Variants in TNRC6C observed in about 807,000 individuals in gnomAD.
TNRC6C encodes the protein trinucleotide repeat-containing gene 6C protein.
In TNRC6C, 20 loss-of-function variants were observed where a neutral mutation model predicts 153.7. The ratio of observed to expected loss-of-function variants is 0.13; its 90% confidence interval spans 0.09 to 0.19. The LOEUF is 0.19. TNRC6C is among the 10% of genes least tolerant of loss of function. The pLI, the probability that TNRC6C is intolerant of heterozygous loss-of-function variation, is 1.00. For missense variants in TNRC6C, 1,987 were observed against 2,172.0 expected, an observed-to-expected ratio of 0.91 and a Z score of 1.69; for synonymous variants, 811 against 841.4, an observed-to-expected ratio of 0.96 and a Z score of 0.63.
chr17:78,016,061 C>T (rs1026771339), intron 1 of TNRC6C, among the ~76,000 whole-genome samples: 2 of 152,144 alleles, frequency 1.3e-5, no homozygotes, highest in Non-Finnish European at 2.9e-5. Flanking sequence ...ACTGAAAGGG[C>T]TGAAGGGGGT....
intron 1 of TNRC6C, among the ~76,000 whole-genome samples, chr17:77,986,249 C>T (rs979299582): frequency 6.6e-6 from 1 of 152,036 alleles, no homozygotes; most frequent in African/African-American, 2.4e-5. Flanking sequence ...AACCTCGTCT[C>T]TATTAAAAAT....
chr17:78,102,269 C>T (rs993311468), intron 17 of TNRC6C, among the ~76,000 whole-genome samples: 5 of 152,092 alleles, frequency 3.3e-5, no homozygotes, highest in Non-Finnish European at 5.9e-5. Flanking sequence ...AGAGTCACCA[C>T]GGGGAAGTGG....
intron 1 of TNRC6C, among the ~76,000 whole-genome samples, chr17:77,967,963 T>C (rs1211652810): frequency 6.6e-6 from 1 of 152,232 alleles, no homozygotes; most frequent in Non-Finnish European, 1.5e-5. Flanking sequence ...TTATGTTTAC[T>C]CATAATTTCA....
intron 2 of TNRC6C, among the ~76,000 whole-genome samples, chr17:78,043,389 T>C (rs1310839608): frequency 6.6e-6 from 1 of 152,256 alleles, no homozygotes. Context: ...AAAATAGCAT[T>C]GTTCCAAATT....
chr17:77,969,435 A>G (rs371407177), intron 1 of TNRC6C, among the ~76,000 whole-genome samples: 7 of 152,086 alleles, frequency 4.6e-5, no homozygotes, highest in African/African-American at 1.2e-4. Context: ...TTTTTAGTAG[A>G]GACGGGGTTT....
At chr17:78,081,801 A>G (rs1013355870) in intron 10 of TNRC6C, among the ~76,000 whole-genome samples, 1 of 152,172 alleles carries the variant, frequency 6.6e-6, no homozygotes, top group Non-Finnish European at 1.5e-5. Context: ...GCAAACCAGC[A>G]TGTCCCAAAT....
intron 1 of TNRC6C, among the ~76,000 whole-genome samples, chr17:77,996,643 G>A (rs996193354): frequency 3.3e-5 from 5 of 152,204 alleles, no homozygotes; most frequent in Non-Finnish European, 7.4e-5. Context: ...CAGACACTTA[G>A]TTTTTCTCTC....
At chr17:77,967,706 G>A (rs1043338654) in intron 1 of TNRC6C, among the ~76,000 whole-genome samples, 4 of 152,216 alleles carry the variant, frequency 2.6e-5, no homozygotes, top group African/African-American at 9.6e-5. Flanking sequence ...CAACAAAATT[G>A]TAGGTATGAT....
upstream of TNRC6C, among the ~76,000 whole-genome samples, chr17:77,958,192 T>A (rs1363632484): frequency 6.6e-6 from 1 of 151,588 alleles, no homozygotes; most frequent in Non-Finnish European, 1.5e-5. Context: ...AATTACAGCA[T>A]AAAGCCCGGG....
chr17:77,983,800 GTTAA>G lies in TNRC6C; in HGVS notation c.-37-20363_-37-20360del, dbSNP rs199681611. Among the ~76,000 whole-genome samples the G allele has an allele frequency of 1.8e-3, 272 of 152,254 alleles. 4 individuals carry two copies. Among genetic ancestry groups the G allele is most frequent in the Admixed American group, 0.016 (249 of 15,280 alleles). ...CTTATTTTATATATAATTACTGGAA[GTTAA>G]TTAATTTGATCTTTAGAGAACAGAA... On this transcript the variant is annotated intron_variant, in intron 1 of 22. Transcript: ENST00000636222.
chr17:78,102,481 C>T, exon 18 of TNRC6C: 2 of 1,607,312 alleles, frequency 1.2e-6, no homozygotes, highest in East Asian at 2.2e-5. Flanking sequence ...CAGGTTCTGC[C>T]TGGAGCACCG....
exon 6 of TNRC6C, chr17:78,071,125 T>G: frequency 1.2e-6 from 2 of 1,607,368 alleles, no homozygotes; most frequent in Non-Finnish European, 1.7e-6. Flanking sequence ...GCCTGGATCA[T>G]GAGCCGGCTG....
intron 1 of TNRC6C, among the ~76,000 whole-genome samples, chr17:77,962,027 A>G (rs1394483016): frequency 6.6e-6 from 1 of 152,176 alleles, no homozygotes; most frequent in Non-Finnish European, 1.5e-5. Flanking sequence ...TGGAAGACAC[A>G]GTTCCTGCAG....
chr17:78,046,002 G>A lies in TNRC6C; in HGVS notation c.-218-2843G>A, dbSNP rs150523665. 8.5e-3 allele frequency among the ~76,000 whole-genome samples: 1,291 copies of A among 151,994 alleles called. 13 individuals carry two copies. Among genetic ancestry groups the A allele is most frequent in the South Asian group, 0.037 (179 of 4,800 alleles). On this transcript the variant is annotated intron_variant, in intron 2 of 19. Coordinates refer to ENST00000301624, the Ensembl canonical transcript of TNRC6C. ...CAGAGGGAACCACAATTCAAAAATTGTAGTGTTGTGTCACTTTCATCTACA... is the reference window on the plus strand; with the variant it reads ...CAGAGGGAACCACAATTCAAAAATTATAGTGTTGTGTCACTTTCATCTACA...
chr17:77,962,090 G>A (rs900530571), intron 1 of TNRC6C, among the ~76,000 whole-genome samples: 1 of 152,168 alleles, frequency 6.6e-6, no homozygotes, highest in African/African-American at 2.4e-5. Flanking sequence ...AATTGAAGGG[G>A]ATGAGGTCTT....
At chr17:78,050,528 CAGG>C (rs747521336) in exon 3 of TNRC6C, 39 of 1,613,806 alleles carry the variant, frequency 2.4e-5, no homozygotes, top group East Asian at 2.0e-4. Context: ...GCTTCAAACT[CAGG>C]GGGGAAGAAC....
upstream of TNRC6C, chr17:78,004,228 AAGC>A (rs1380201488): frequency 2.4e-5 from 30 of 1,231,832 alleles, no homozygotes; most frequent in East Asian, 1.6e-4. Flanking sequence ...GAAAAAGAAA[AAGC>A]AGGAAGAAAA....
chr17:78,102,400 A>C (rs767366566), intron 17 of TNRC6C, 74 bp from the exon 21 acceptor site: 1 of 1,381,368 alleles, frequency 7.2e-7, no homozygotes, highest in Admixed American at 2.0e-5. Flanking sequence ...ACTTCAGCAC[A>C]ATAAGAAGTG....
At chr17:78,097,510 C>T (rs978159033) in intron 16 of TNRC6C, among the ~76,000 whole-genome samples, 1 of 152,138 alleles carries the variant, frequency 6.6e-6, no homozygotes, top group Non-Finnish European at 1.5e-5. Flanking sequence ...TGCTTCTTGC[C>T]CTTTGATTCC....
Sources: allele counts gnomAD v4.1 joint callset (sites outside exome capture counted in the v4.1 genomes callset), GRCh38; gene constraint gnomAD v4.1.1; transcripts MANE v1.5; gene names NCBI Gene and HGNC (gene_info 2026-07-23, HGNC 2026-07-21).